Variants in SSUH2 observed in about 807,000 individuals in gnomAD.
SSUH2 encodes the protein ssu-2 homolog.
Under a neutral mutation model 55.3 loss-of-function variants are expected in SSUH2, and 47 were observed. That is an observed-to-expected ratio of 0.85 (90% CI 0.67 to 1.08). The LOEUF is 1.08. Ranked by LOEUF, SSUH2 falls within the 50% of genes least tolerant of loss-of-function variation. The pLI is 0.00. For synonymous variants in SSUH2, 212 were observed against 191.5 expected (o/e 1.11, Z -0.89); for missense variants, 535 against 490.7 (o/e 1.09, Z -0.85).
chr3:8,639,294 G>A (rs767444634), intron 1 of SSUH2, among the ~76,000 whole-genome samples: 5 of 152,182 alleles, frequency 3.3e-5, no homozygotes, highest in Non-Finnish European at 7.3e-5. Flanking sequence ...ATTGTGTCCC[G>A]TGGCTCCCAA....
At chr3:8,630,579 G>C (rs1258436784) in intron 6 of SSUH2, among the ~76,000 whole-genome samples, 1 of 152,220 alleles carries the variant, frequency 6.6e-6, no homozygotes, top group East Asian at 1.9e-4. Flanking sequence ...TAAATCGGAT[G>C]ATCTGTTTGC....
chr3:8,658,331 A>C (rs1316935714), intron 7 of SSUH2, among the ~76,000 whole-genome samples: 1 of 152,188 alleles, frequency 6.6e-6, no homozygotes, highest in Non-Finnish European at 1.5e-5. Flanking sequence ...ACCACTTCAG[A>C]AACTCTCTCA....
intron 1 of SSUH2, among the ~76,000 whole-genome samples, chr3:8,638,283 A>G (rs759267001): frequency 6.6e-5 from 10 of 152,158 alleles, no homozygotes; most frequent in Non-Finnish European, 1.5e-4. Context: ...GGATGCCTTT[A>G]AGACGAATGA....
intron 2 of SSUH2, 76 bp downstream of exon 2, chr3:8,635,683 T>C: frequency 7.6e-7 from 1 of 1,314,958 alleles, no homozygotes; most frequent in Non-Finnish European, 1.0e-6. Flanking sequence ...CAGCACCACC[T>C]TTTTCCCGAG....
At chr3:8,677,168 G>A (rs1216468491) in intron 3 of SSUH2, 1 of 151,434 alleles carries the variant, frequency 6.6e-6, no homozygotes, top group African/African-American at 2.4e-5. Flanking sequence ...CCCTTGCTCA[G>A]GACGCCCATC....
rs149401130 is a variant in SSUH2, at chr3:8,679,055, G to A, written c.-901+650C>T. Among the ~76,000 whole-genome samples the A allele has an allele frequency of 1.9e-5, 2 of 106,778 alleles. 1 individual carries two copies. The highest frequency in any genetic ancestry group is 6.4e-5 in the African/African-American group (2 of 31,464). 70.1% of individuals were successfully genotyped at this position (106,778 alleles called of 152,430 possible). ...CTCTTAGGACACCAAACGCAGGGGA[G>A]GAAGCACCCCCCGCGAGGCGGGGAC... On this transcript the variant is annotated intron_variant, in intron 2 of 18. Coordinates refer to the SSUH2 transcript ENST00000317371.
At chr3:8,675,039 C>A (rs1705077960) in intron 3 of SSUH2, among the ~76,000 whole-genome samples, 1 of 152,158 alleles carries the variant, frequency 6.6e-6, no homozygotes, top group Non-Finnish European at 1.5e-5. Context: ...GGAACACTCC[C>A]CTCCTGCTTG....
intron 5 of SSUH2, among the ~76,000 whole-genome samples, chr3:8,670,754 T>G (rs1704478062): frequency 6.6e-6 from 1 of 151,888 alleles, no homozygotes; most frequent in South Asian, 2.1e-4. Flanking sequence ...ATTGTGACAT[T>G]AGTAGTAACA....
chr3:8,637,908 C>T (rs538715220), intron 1 of SSUH2, among the ~76,000 whole-genome samples: 22 of 152,266 alleles, frequency 1.4e-4, no homozygotes, highest in Admixed American at 5.2e-4. Flanking sequence ...AGCTCTCTCC[C>T]TTCACAAAAG....
At chr3:8,636,908 G>T (rs1299620716) in intron 1 of SSUH2, among the ~76,000 whole-genome samples, 1 of 152,192 alleles carries the variant, frequency 6.6e-6, no homozygotes, top group Non-Finnish European at 1.5e-5. Context: ...CATACAACCA[G>T]CAAGTGGTGG....
chr3:8,627,629 C>T, intron 8 of SSUH2, 69 bp downstream of exon 8: 9 of 1,357,000 alleles, frequency 6.6e-6, no homozygotes, highest in Non-Finnish European at 9.0e-6. Flanking sequence ...GTTTGCCTTC[C>T]AGATGGGCAG....
chr3:8,678,878 AT>A lies in SSUH2; in HGVS notation c.-901+826del, dbSNP rs1190982013. On this transcript the variant is annotated intron_variant, in intron 2 of 18. Coordinates refer to the SSUH2 transcript ENST00000317371. ...CTCTTCCCCCAGCCTGGCTCTTAGG[AT>A]CCCCATTGCAAGGGAGGGAGGCACC... Among the ~76,000 whole-genome samples, 12 of 106,728 alleles carry A rather than the reference AT, an allele frequency of 1.1e-4. 2 individuals are homozygous for A. The South Asian group carries it at 1.3e-3, about 12-fold the overall frequency. The allele number at this position is 106,728 out of a possible 152,430, so 70.0% of individuals were successfully genotyped here.
chr3:8,642,681 C>T (rs961123923), intron 1 of SSUH2, among the ~76,000 whole-genome samples: 16 of 152,164 alleles, frequency 1.1e-4, no homozygotes, highest in Admixed American at 4.6e-4. Flanking sequence ...GTTTTCTCCC[C>T]CTGAAGTCAC....
rs1234604940 is a variant in SSUH2, at chr3:8,633,888, C to T, written c.210-93G>A. On this transcript the variant is annotated intron_variant, in intron 3 of 11. Transcript: ENST00000544814. The stretch of plus-strand genomic sequence containing the variant: ...GCCTCCTCAACGTGCAGGCGAGAAA[C>T]TGAGGCCACGGTAGTGGTAAAGCCC... 3.1e-6 allele frequency: 5 copies of T among 1,613,860 alleles called. No homozygotes were observed. The Admixed American group carries it at 8.3e-5, about 27-fold the overall frequency.
At chr3:8,638,584 T>A (rs940486355) in intron 1 of SSUH2, among the ~76,000 whole-genome samples, 1 of 152,126 alleles carries the variant, frequency 6.6e-6, no homozygotes, top group Non-Finnish European at 1.5e-5. Context: ...TGTGACACCA[T>A]GTAAGCCACA....
intron 5 of SSUH2, among the ~76,000 whole-genome samples, chr3:8,669,113 T>G (rs1189885730): frequency 6.6e-6 from 1 of 152,160 alleles, no homozygotes; most frequent in South Asian, 2.1e-4. Context: ...ACTCTCTCAT[T>G]CAAATGAAAC....
upstream of SSUH2, among the ~76,000 whole-genome samples, chr3:8,646,736 C>A (rs1701724717): frequency 1.3e-5 from 2 of 152,204 alleles, no homozygotes; most frequent in South Asian, 2.1e-4. Flanking sequence ...GCAGCAGGAA[C>A]AAGCAGCATT....
chr3:8,646,897 C>G (rs1252279746), upstream of SSUH2, among the ~76,000 whole-genome samples: 3 of 152,192 alleles, frequency 2.0e-5, no homozygotes, highest in African/African-American at 7.2e-5. Context: ...TGAGTGGGCT[C>G]TGAGAGCTCC....
In SSUH2 at chr3:8,629,421, T is replaced by C. The variant is rs957706539; in HGVS notation, c.588+243A>G. ...CAGGTATTCAGTGTATGTTGGTAGATGGATGAGAAAATAAGAGAAAAATTA... is the reference window on the plus strand; with the variant it reads ...CAGGTATTCAGTGTATGTTGGTAGACGGATGAGAAAATAAGAGAAAAATTA... On this transcript the variant is annotated intron_variant, in intron 7 of 11. Coordinates refer to ENST00000544814, the MANE Select transcript of SSUH2 (RefSeq NM_001256748.3). 8.8e-5 allele frequency: 49 copies of C among 556,844 alleles called. No homozygotes were observed. In the South Asian group the frequency reaches 1.1e-3, roughly 13 times the overall value. 34.5% of individuals were successfully genotyped at this position (556,844 alleles called of 1,614,324 possible).
Sources: gnomAD v4.1 joint callset for allele counts (sites outside exome capture counted in the v4.1 genomes callset) on GRCh38, gnomAD v4.1.1 for gene constraint, MANE v1.5 for transcripts, NCBI Gene and HGNC (gene_info 2026-07-23, HGNC 2026-07-21) for gene names.